The following LDB2 variants were observed in gnomAD, a reference collection of about 807,000 sequenced individuals.
LDB2 encodes LIM domain-binding protein 2.
A neutral mutation model predicts 44.3 loss-of-function variants in LDB2; 12 were observed. The ratio of observed to expected loss-of-function variants is 0.27; its 90% CI spans 0.17 to 0.44. LDB2 has a LOEUF of 0.44. LDB2 is among the 20% of genes least tolerant of loss of function. The pLI, the probability that LDB2 is intolerant of heterozygous loss-of-function variation, is 1.00. For missense variants in LDB2, 344 were observed against 473.5 expected, an observed-to-expected ratio of 0.73 and a Z score of 2.54; for synonymous variants, 164 against 174.8, an observed-to-expected ratio of 0.94 and a Z score of 0.49.
chr4:16,569,721 T>C (rs1024759548), intron 5 of LDB2, among the ~76,000 whole-genome samples: 5 of 152,176 alleles, frequency 3.3e-5, no homozygotes, highest in African/African-American at 1.2e-4. Context: ...GTTTCCTCAT[T>C]TGCAGCATGG....
rs557623051 is a variant in LDB2, at chr4:16,507,469, C to T, written c.891+1066G>A. 5.6e-4 allele frequency among the ~76,000 whole-genome samples: 85 copies of T among 152,090 alleles called. No homozygotes were observed. In the South Asian group the frequency reaches 7.3e-3, roughly 13 times the overall value. The stretch of plus-strand genomic sequence containing the variant: ...TGGGGAATCCCTGTGCGAAGGTCCA[C>T]TCGCACATGGAAGCGATGGAGCAGG... On this transcript the variant is annotated intron_variant, in intron 7 of 7. Coordinates refer to ENST00000304523, the MANE Select transcript of LDB2 (RefSeq NM_001290.5).
At chr4:16,726,484 A>G (rs1334209290) in intron 2 of LDB2, 1 of 150,544 alleles carries the variant, frequency 6.6e-6, no homozygotes, top group African/African-American at 2.5e-5. Flanking sequence ...GGAGGCAAGG[A>G]ATATGAGAAG....
At chr4:16,878,317 G>T (rs944091344) in intron 1 of LDB2, among the ~76,000 whole-genome samples, 3 of 152,196 alleles carry the variant, frequency 2.0e-5, no homozygotes, top group Admixed American at 6.5e-5. Flanking sequence ...GACAAGAATA[G>T]ATAAAGATAA....
chr4:16,590,875 A>C (rs966610784), intron 3 of LDB2, among the ~76,000 whole-genome samples: 2 of 152,164 alleles, frequency 1.3e-5, no homozygotes, highest in African/African-American at 4.8e-5. Context: ...AGTTCCCCCA[A>C]ACCTCTCCCC....
chr4:16,739,589 A>AATAT lies in LDB2; in HGVS notation c.235+19565_235+19568dup, dbSNP rs1553994411. On this transcript the variant is annotated intron_variant, in intron 2 of 7. Coordinates refer to ENST00000304523, the MANE Select transcript of LDB2 (RefSeq NM_001290.5). ...TGACAGAGGGAAAAAAAAAAAAAAA[A>AATAT]ATATATATATATATATATATGTATA... Among the ~76,000 whole-genome samples, 19 of 64,292 alleles carry AATAT rather than the reference A, an allele frequency of 3.0e-4. 2 individuals are homozygous for AATAT. The highest frequency in any genetic ancestry group is 7.9e-3 in the Middle Eastern group (1 of 126). 42.2% of individuals were successfully genotyped at this position (64,292 alleles called of 152,430 possible). A position where few individuals can be genotyped will look rare whatever the true frequency, so the allele number is the denominator to read the frequency against.
chr4:16,752,028 A>G (rs1008330543), intron 2 of LDB2, among the ~76,000 whole-genome samples: 1 of 152,220 alleles, frequency 6.6e-6, no homozygotes, highest in Non-Finnish European at 1.5e-5. Flanking sequence ...AAACCATTTA[A>G]TGGAACCCCA....
At chr4:16,567,625 C>T (rs1282971104) in intron 5 of LDB2, among the ~76,000 whole-genome samples, 3 of 152,078 alleles carry the variant, frequency 2.0e-5, no homozygotes, top group Non-Finnish European at 1.5e-5. Flanking sequence ...AAAAAATTAG[C>T]TGGGTGTGGT....
At chr4:16,706,059 G>A (rs1754534729) in intron 2 of LDB2, among the ~76,000 whole-genome samples, 1 of 152,044 alleles carries the variant, frequency 6.6e-6, no homozygotes, top group African/African-American at 2.4e-5. Flanking sequence ...CTATTTCTTT[G>A]TATAGTGAAG....
In LDB2 at chr4:16,502,168, T is replaced by G. The variant is rs1717682352; in HGVS notation, c.*475A>C. ...TTTCCAAAGCTGATTTTTTTGTCTT[T>G]TCTTTTTTTACTGAAACAAGAAACT... is the stretch of plus-strand genomic sequence containing the variant. On this transcript the variant is annotated 3_prime_UTR_variant, in exon 8 of 8. Coordinates refer to ENST00000304523, the MANE Select transcript of LDB2 (RefSeq NM_001290.5). 1 of 154,560 alleles carries G rather than the reference T, an allele frequency of 6.5e-6. No individual in the cohort carries two copies. The highest frequency in any genetic ancestry group is 2.4e-5 in the African/African-American group (1 of 41,466). 9.6% of individuals were successfully genotyped at this position (154,560 alleles called of 1,614,324 possible).
chr4:16,699,522 T>C (rs1443164839), intron 2 of LDB2, among the ~76,000 whole-genome samples: 1 of 152,234 alleles, frequency 6.6e-6, no homozygotes, highest in Non-Finnish European at 1.5e-5. Context: ...AGGTATATGA[T>C]GGCCTTGTAT....
At chr4:16,893,864 C>A (rs1724146882) in intron 1 of LDB2, among the ~76,000 whole-genome samples, 3 of 151,906 alleles carry the variant, frequency 2.0e-5, no homozygotes, top group Admixed American at 2.0e-4. Flanking sequence ...TAAATGCAGA[C>A]ATTTTTGGTC....
chr4:16,837,615 A>G (rs1406155960), intron 1 of LDB2, among the ~76,000 whole-genome samples: 1 of 152,230 alleles, frequency 6.6e-6, no homozygotes. Context: ...CTAACCTGTC[A>G]GAGACACATA....
chr4:16,883,312 T>C (rs191194619), intron 1 of LDB2, among the ~76,000 whole-genome samples: 3 of 152,356 alleles, frequency 2.0e-5, no homozygotes, highest in African/African-American at 7.2e-5. Flanking sequence ...GAGAGAACCT[T>C]GGTGTTCATA....
chr4:16,531,121 G>C (rs765986113), intron 5 of LDB2, among the ~76,000 whole-genome samples: 12 of 152,192 alleles, frequency 7.9e-5, no homozygotes, highest in Admixed American at 1.3e-4. Flanking sequence ...TCAGCAAACA[G>C]CAGGTGCTCC....
At chr4:16,522,389 G>A (rs1377617784) in intron 5 of LDB2, among the ~76,000 whole-genome samples, 1 of 151,414 alleles carries the variant, frequency 6.6e-6, no homozygotes, top group Non-Finnish European at 1.5e-5. Flanking sequence ...ATAATGGATG[G>A]TTGTGTCAAT....
chr4:16,581,026 G>A (rs1471975309), intron 5 of LDB2, among the ~76,000 whole-genome samples: 5 of 152,168 alleles, frequency 3.3e-5, no homozygotes, highest in Admixed American at 2.0e-4. Flanking sequence ...TGAGTTAGAA[G>A]AAGCTTTCAT....
intron 5 of LDB2, among the ~76,000 whole-genome samples, chr4:16,562,982 C>T (rs1287669935): frequency 4.1e-4 from 62 of 150,662 alleles, no homozygotes; most frequent in Non-Finnish European, 6.5e-4. Flanking sequence ...AACCAAACAC[C>T]GCATGTTCTC....
rs866058691 is a variant in LDB2 at position 16,835,067 on chromosome 4, C to T, written c.132+63287G>A. ...GATCCCAGTGGCTTGGTTATTATGC[C>T]GCATAGACAATGAAGGAATTGCTAA... On this transcript the variant is annotated intron_variant, in intron 1 of 7. Transcript: ENST00000304523. Among the ~76,000 whole-genome samples, 14 of 152,178 alleles carry T rather than the reference C, an allele frequency of 9.2e-5. No homozygotes were observed. In the East Asian group the frequency reaches 1.4e-3, roughly 15 times the overall value.
chr4:16,568,528 A>G (rs1378848187), intron 5 of LDB2, among the ~76,000 whole-genome samples: 1 of 152,174 alleles, frequency 6.6e-6, no homozygotes, highest in Non-Finnish European at 1.5e-5. Flanking sequence ...CCACTAACCC[A>G]TCCCGAAACC....
Sources: gnomAD v4.1 joint callset for allele counts (sites outside exome capture counted in the v4.1 genomes callset) on GRCh38, gnomAD v4.1.1 for gene constraint, MANE v1.5 for transcripts, NCBI Gene and HGNC (gene_info 2026-07-23, HGNC 2026-07-21) for gene names.